Variants in NEBL observed in about 807,000 individuals in gnomAD.
NEBL encodes nebulette.
NEBL carries 122 observed loss-of-function variants against 140.2 expected under a neutral mutation model. The observed-to-expected ratio is 0.87, with a 90% CI of 0.75 to 1.01. The LOEUF (loss-of-function observed/expected upper bound fraction) is 1.01. Ranked by LOEUF, NEBL falls within the 50% of genes least tolerant of loss-of-function variation. The pLI is 0.00. For missense variants in NEBL, 1,365 were observed against 1,231.3 expected, an observed-to-expected ratio of 1.11 and a Z score of -1.62; for synonymous variants, 436 against 398.9, an observed-to-expected ratio of 1.09 and a Z score of -1.11.
At chr10:20,836,425 G>A (rs945472680) in intron 13 of NEBL, among the ~76,000 whole-genome samples, 12 of 152,192 alleles carry the variant, frequency 7.9e-5, no homozygotes, top group Admixed American at 4.6e-4. Flanking sequence ...GTTTCACCAC[G>A]TTGGCCAGGC....
At chr10:21,183,971 G>GC (rs2132208280) in intron 3 of NEBL, among the ~76,000 whole-genome samples, 1 of 152,264 alleles carries the variant, frequency 6.6e-6, no homozygotes, top group South Asian at 2.1e-4. Flanking sequence ...TGTGAGACCT[G>GC]CCTTTCACCT....
intron 2 of NEBL, among the ~76,000 whole-genome samples, chr10:21,083,459 C>A (rs1345373641): frequency 2.0e-5 from 3 of 152,144 alleles, no homozygotes; most frequent in African/African-American, 4.8e-5. Context: ...CGTCTGAGTT[C>A]TTTCTGAAAT....
At chr10:21,049,954 A>G (rs1016813694) in intron 2 of NEBL, among the ~76,000 whole-genome samples, 1 of 152,188 alleles carries the variant, frequency 6.6e-6, no homozygotes, top group Non-Finnish European at 1.5e-5. Flanking sequence ...GAGGAGTAAG[A>G]GCTTTAGTAT....
chr10:21,079,326 C>G (rs777185631), intron 2 of NEBL, among the ~76,000 whole-genome samples: 2 of 152,202 alleles, frequency 1.3e-5, no homozygotes, highest in South Asian at 4.1e-4. Context: ...AGATAAAATG[C>G]AGGGAGCACA....
At chr10:21,028,323 C>T (rs975034090) in intron 2 of NEBL, among the ~76,000 whole-genome samples, 3 of 147,690 alleles carry the variant, frequency 2.0e-5, no homozygotes, top group African/African-American at 7.5e-5. Context: ...AGAGAGAGTA[C>T]CACCATCAGG....
At chr10:21,163,386 C>A (rs1840634349) in intron 2 of NEBL, among the ~76,000 whole-genome samples, 1 of 152,130 alleles carries the variant, frequency 6.6e-6, no homozygotes. Flanking sequence ...AACAGGCCAT[C>A]AAAAATACAT....
At chr10:20,923,943 T>C (rs767713345) in intron 4 of NEBL, among the ~76,000 whole-genome samples, 4 of 152,032 alleles carry the variant, frequency 2.6e-5, no homozygotes, top group Non-Finnish European at 5.9e-5. Context: ...ATCTAGCCCT[T>C]TTCTAATTCA....
At chr10:21,085,922 G>A (rs915886986) in intron 2 of NEBL, among the ~76,000 whole-genome samples, 5 of 151,912 alleles carry the variant, frequency 3.3e-5, no homozygotes, top group African/African-American at 9.7e-5. Context: ...AGATATACAG[G>A]AGGAGCTTTT....
chr10:20,989,462 A>G (rs1837377477), intron 3 of NEBL, among the ~76,000 whole-genome samples: 1 of 152,208 alleles, frequency 6.6e-6, no homozygotes, highest in Non-Finnish European at 1.5e-5. Context: ...TATAGCTTCA[A>G]CGTAACTCCA....
intron 5 of NEBL, among the ~76,000 whole-genome samples, chr10:20,875,836 C>G (rs1845447709): frequency 6.6e-6 from 1 of 152,174 alleles, no homozygotes; most frequent in African/African-American, 2.4e-5. Flanking sequence ...TAAACTGATT[C>G]TTGGTGAGAA....
intron 2 of NEBL, among the ~76,000 whole-genome samples, chr10:21,059,035 T>A (rs1413882638): frequency 6.6e-6 from 1 of 152,204 alleles, no homozygotes; most frequent in Non-Finnish European, 1.5e-5. Context: ...CATGAAAGAT[T>A]ATAATCCATG....
intron 1 of NEBL, among the ~76,000 whole-genome samples, chr10:21,268,901 G>A (rs1438726800): frequency 6.6e-6 from 1 of 152,130 alleles, no homozygotes; most frequent in Non-Finnish European, 1.5e-5. Context: ...CAACTCATAA[G>A]GTGATCGTAT....
chr10:20,961,581 C>A (rs1475179397), intron 4 of NEBL: 1 of 952,498 alleles, frequency 1.0e-6, no homozygotes, highest in East Asian at 2.4e-5. Flanking sequence ...CACCCCACAG[C>A]AACACAAACA....
At chr10:20,884,424 C>T (rs547295107) in intron 4 of NEBL, among the ~76,000 whole-genome samples, 4 of 152,132 alleles carry the variant, frequency 2.6e-5, no homozygotes, top group Non-Finnish European at 4.4e-5. Flanking sequence ...TGAAGCTTCT[C>T]CCTGCCCTCG....
intron 3 of NEBL, among the ~76,000 whole-genome samples, chr10:21,227,711 T>TTCTTCTTCTTCTTCTTCCTTC (rs1456600511): frequency 2.2e-5 from 1 of 46,424 alleles, no homozygotes; most frequent in African/African-American, 6.6e-5. Flanking sequence ...CTTCTTCTTC[T>TTCTTCTTCTTCTTCTTCCTTC]TTCTTCTTCT....
intron 2 of NEBL, among the ~76,000 whole-genome samples, chr10:21,139,879 G>GCA (rs1839534599): frequency 6.6e-6 from 1 of 151,886 alleles, no homozygotes; most frequent in Non-Finnish European, 1.5e-5. Flanking sequence ...GTCAGGCACT[G>GCA]GTGGCTCACG....
chr10:21,142,077 C>T (rs868674345), intron 2 of NEBL, among the ~76,000 whole-genome samples: 5 of 152,130 alleles, frequency 3.3e-5, no homozygotes, highest in African/African-American at 1.2e-4. Context: ...GGACAAAAGA[C>T]CTCATTCAGT....
intron 4 of NEBL, among the ~76,000 whole-genome samples, chr10:20,932,470 G>T (rs1261270513): frequency 6.6e-6 from 1 of 152,174 alleles, no homozygotes; most frequent in African/African-American, 2.4e-5. Flanking sequence ...AACAACTAAT[G>T]TATGAAGGGC....
upstream of NEBL, among the ~76,000 whole-genome samples, chr10:21,179,828 A>T (rs1841359788): frequency 6.6e-6 from 1 of 152,098 alleles, no homozygotes. Context: ...GAATGTGGGT[A>T]GCATCTAGAA....
Sources: allele counts gnomAD v4.1 joint callset (sites outside exome capture counted in the v4.1 genomes callset), GRCh38; gene constraint gnomAD v4.1.1; transcripts MANE v1.5; gene names NCBI Gene and HGNC (gene_info 2026-07-23, HGNC 2026-07-21).